PTH2R: variants seen among roughly 807,000 people sequenced by gnomAD.
PTH2R encodes the protein parathyroid hormone 2 receptor, also known as PTH2 receptor.
In PTH2R, 59 loss-of-function variants were observed where a neutral mutation model predicts 60.3. The ratio of observed to expected loss-of-function variants is 0.98; its 90% CI spans 0.79 to 1.22. The LOEUF (loss-of-function observed/expected upper bound fraction) is 1.22, where lower values mean the gene tolerates loss of function less well. Among genes scored for constraint, PTH2R ranks in the 50% most tolerant of loss-of-function variants. PTH2R has a pLI of 0.00. For synonymous variants in PTH2R, 256 were observed against 243.8 expected, an observed-to-expected ratio of 1.05 and a Z score of -0.47; for missense variants, 749 against 682.6, an observed-to-expected ratio of 1.10 and a Z score of -1.08.
At chr2:208,426,698 C>T (rs1343399566) in intron 1 of PTH2R, among the ~76,000 whole-genome samples, 7 of 152,148 alleles carry the variant, frequency 4.6e-5, no homozygotes, top group East Asian at 1.9e-4. Flanking sequence ...TGCTTGCACT[C>T]GCTTCGTCCT....
At chr2:208,378,933 A>G (rs1700860527) in intron 1 of PTH2R, among the ~76,000 whole-genome samples, 2 of 152,114 alleles carry the variant, frequency 1.3e-5, no homozygotes, top group Admixed American at 1.3e-4. Flanking sequence ...GGTGGTTGTG[A>G]AGATTAGAGA....
chr2:208,364,128 A>G (rs1248973046), intron 1 of PTH2R, among the ~76,000 whole-genome samples: 1 of 152,200 alleles, frequency 6.6e-6, no homozygotes, highest in Non-Finnish European at 1.5e-5. Context: ...GGATGCTAAC[A>G]TCTTATCAAA....
intron 8 of PTH2R, among the ~76,000 whole-genome samples, chr2:208,457,565 T>C (rs1035281230): frequency 5.9e-5 from 9 of 152,214 alleles, no homozygotes; most frequent in African/African-American, 2.2e-4. Context: ...TGCAGAATAG[T>C]GCATACATGA....
chr2:208,455,765 T>C (rs933626955), intron 8 of PTH2R, among the ~76,000 whole-genome samples: 1 of 152,102 alleles, frequency 6.6e-6, no homozygotes, highest in African/African-American at 2.4e-5. Context: ...ATGAATGGGG[T>C]TCATATTCAT....
intron 1 of PTH2R, among the ~76,000 whole-genome samples, chr2:208,413,503 T>C (rs1254327359): frequency 1.3e-5 from 2 of 152,236 alleles, no homozygotes; most frequent in Non-Finnish European, 2.9e-5. Flanking sequence ...AGTGAGTTAC[T>C]TCAAAATGGA....
chr2:208,436,503 A>G (rs1300450429), intron 2 of PTH2R, among the ~76,000 whole-genome samples: 2 of 152,200 alleles, frequency 1.3e-5, no homozygotes, highest in East Asian at 3.9e-4. Flanking sequence ...GAGTTACATG[A>G]AACGGGTTTA....
chr2:208,362,114 G>C (rs1204761781), intron 1 of PTH2R, among the ~76,000 whole-genome samples: 1 of 152,196 alleles, frequency 6.6e-6, no homozygotes, highest in Non-Finnish European at 1.5e-5. Context: ...TCAGACATCA[G>C]AGCTTCTGGT....
intron 1 of PTH2R, among the ~76,000 whole-genome samples, chr2:208,420,031 A>G (rs1277029924): frequency 6.6e-6 from 1 of 152,174 alleles, no homozygotes; most frequent in East Asian, 1.9e-4. Context: ...AAACTATTGC[A>G]AGGACAAAAA....
At chr2:208,447,687 A>G (rs949384586) in intron 7 of PTH2R, among the ~76,000 whole-genome samples, 3 of 151,646 alleles carry the variant, frequency 2.0e-5, no homozygotes, top group Non-Finnish European at 4.4e-5. Flanking sequence ...AATAGGTGTC[A>G]TATCTGACCT....
chr2:208,438,067 A>G (rs1702111359), intron 4 of PTH2R, among the ~76,000 whole-genome samples, 186 bp downstream of exon 4: 1 of 152,252 alleles, frequency 6.6e-6, no homozygotes, highest in South Asian at 2.1e-4. Context: ...TCTATAGCCT[A>G]GAGCTACCTG....
At chr2:208,392,275 C>T (rs1701121582) in intron 1 of PTH2R, among the ~76,000 whole-genome samples, 1 of 152,166 alleles carries the variant, frequency 6.6e-6, no homozygotes, top group African/African-American at 2.4e-5. Context: ...TGGGTTTCTG[C>T]ACTCCTAATA....
chr2:208,439,067 A>G (rs1390732756), intron 4 of PTH2R, among the ~76,000 whole-genome samples: 2 of 152,174 alleles, frequency 1.3e-5, no homozygotes, highest in Non-Finnish European at 2.9e-5. Flanking sequence ...ATTCACTGAT[A>G]CTTAGTGTAC....
chr2:208,431,433 C>T (rs1701969898), intron 2 of PTH2R, among the ~76,000 whole-genome samples: 1 of 152,138 alleles, frequency 6.6e-6, no homozygotes, highest in African/African-American at 2.4e-5. Context: ...TTGTGATGAG[C>T]AACTCATGAG....
At chr2:208,380,111 G>A (rs916792768) in intron 1 of PTH2R, among the ~76,000 whole-genome samples, 8 of 152,070 alleles carry the variant, frequency 5.3e-5, no homozygotes, top group African/African-American at 1.9e-4. Flanking sequence ...GGTTTCCCTG[G>A]CACAGAGGAG....
intron 9 of PTH2R, among the ~76,000 whole-genome samples, chr2:208,474,744 A>G (rs1702961878): frequency 6.6e-6 from 1 of 152,240 alleles, no homozygotes; most frequent in Non-Finnish European, 1.5e-5. Flanking sequence ...TAAGTGGGTC[A>G]GATTTGGGTT....
upstream of PTH2R, among the ~76,000 whole-genome samples, chr2:208,404,267 A>C (rs995630573): frequency 2.6e-5 from 4 of 151,882 alleles, no homozygotes; most frequent in Non-Finnish European, 5.9e-5. Context: ...TGTAGATTTA[A>C]GAGAGAGGAA....
At chr2:208,403,271 T>C (rs537510165), upstream of PTH2R, among the ~76,000 whole-genome samples, 2 of 152,304 alleles carry the variant, frequency 1.3e-5, no homozygotes, top group South Asian at 2.1e-4. Flanking sequence ...TGAGGAAATA[T>C]GCTATACATA....
At chr2:208,488,704 C>T (rs550077712) in intron 10 of PTH2R, among the ~76,000 whole-genome samples, 4 of 151,898 alleles carry the variant, frequency 2.6e-5, no homozygotes, top group South Asian at 2.1e-4. Context: ...GGCGAGACCC[C>T]GTCTCTACAA....
chr2:208,458,219 C>T (rs1026039847), intron 8 of PTH2R, among the ~76,000 whole-genome samples: 1 of 152,004 alleles, frequency 6.6e-6, no homozygotes, highest in Non-Finnish European at 1.5e-5. Flanking sequence ...TTATTGACTA[C>T]CTACATACTG....
Sources: allele counts gnomAD v4.1 joint callset (sites outside exome capture counted in the v4.1 genomes callset), GRCh38; gene constraint gnomAD v4.1.1; transcripts MANE v1.5; gene names NCBI Gene and HGNC (gene_info 2026-07-23, HGNC 2026-07-21).